The following DPP6 variants were observed in gnomAD, a reference collection of about 807,000 sequenced individuals.
The protein encoded by DPP6 is dipeptidyl peptidase like 6, also known as A-type potassium channel modulatory protein DPP6.
DPP6 carries 69 observed loss-of-function variants against 122.6 expected under a neutral mutation model. The observed-to-expected ratio is 0.56, with a 90% CI of 0.46 to 0.69. DPP6 has a LOEUF of 0.69. DPP6 is among the 30% of genes least tolerant of loss of function. DPP6 has a pLI of 0.00. For synonymous variants in DPP6, 418 were observed against 433.1 expected, an observed-to-expected ratio of 0.97 and a Z score of 0.43; for missense variants, 928 against 1,116.9, an observed-to-expected ratio of 0.83 and a Z score of 2.41.
chr7:154,165,162 C>T (rs1027705472), intron 1 of DPP6, among the ~76,000 whole-genome samples: 9 of 143,834 alleles, frequency 6.3e-5, no homozygotes, highest in African/African-American at 2.4e-4. Flanking sequence ...CCCCCTCCCC[C>T]CAACCCACAA....
chr7:153,804,987 G>A, the DPP6 span, among the ~76,000 whole-genome samples: 1 of 152,132 alleles, frequency 6.6e-6, no homozygotes, highest in Non-Finnish European at 1.5e-5. Context: ...CTCTATTGGT[G>A]TTGAAATGTG....
At chr7:154,882,645 G>A (rs554782151) in intron 21 of DPP6, among the ~76,000 whole-genome samples, 11 of 152,226 alleles carry the variant, frequency 7.2e-5, no homozygotes, top group African/African-American at 1.9e-4. Context: ...GCACCTGTGC[G>A]TTATGTTCTG....
intron 17 of DPP6, chr7:154,858,310 A>C (rs565117474): frequency 6.6e-6 from 1 of 152,416 alleles, no homozygotes; most frequent in African/African-American, 2.4e-5. Flanking sequence ...GGCCACATGC[A>C]TGCAGCGAGG....
intron 17 of DPP6, among the ~76,000 whole-genome samples, chr7:154,854,884 C>T (rs966502863): frequency 3.3e-5 from 5 of 152,182 alleles, no homozygotes; most frequent in Non-Finnish European, 7.4e-5. Flanking sequence ...CCAAAGCAGC[C>T]TGTGTCCTCC....
chr7:153,792,000 A>G, the DPP6 span, among the ~76,000 whole-genome samples: 86 of 152,382 alleles, frequency 5.6e-4, no homozygotes, highest in South Asian at 0.017. Context: ...AGTGCTGTTC[A>G]AGGAGTCTTT....
chr7:153,895,341 C>T (rs1799363468), intron 1 of DPP6, among the ~76,000 whole-genome samples: 2 of 152,156 alleles, frequency 1.3e-5, no homozygotes, highest in Admixed American at 1.3e-4. Flanking sequence ...GCTCCCTGGA[C>T]TGCTGTTTCC....
chr7:154,713,262 T>A (rs1841300404), intron 7 of DPP6, among the ~76,000 whole-genome samples: 1 of 152,218 alleles, frequency 6.6e-6, no homozygotes, highest in South Asian at 2.1e-4. Context: ...GCTGACATTG[T>A]CTGTGGCCTT....
intron 5 of DPP6, among the ~76,000 whole-genome samples, chr7:154,634,318 A>T (rs1358023822): frequency 6.6e-6 from 1 of 151,704 alleles, no homozygotes; most frequent in East Asian, 1.9e-4. Flanking sequence ...ACCTTCATCC[A>T]TGTCCCTACA....
At chr7:154,506,725 C>T (rs778911083) in intron 3 of DPP6, among the ~76,000 whole-genome samples, 7 of 152,148 alleles carry the variant, frequency 4.6e-5, no homozygotes, top group Non-Finnish European at 8.8e-5. Context: ...AACATGATTT[C>T]TCCTTTCTCT....
chr7:154,479,295 C>T (rs987859908), intron 3 of DPP6, among the ~76,000 whole-genome samples: 5 of 152,066 alleles, frequency 3.3e-5, no homozygotes, highest in African/African-American at 9.7e-5. Context: ...TGGTGGCTCA[C>T]GCCTGTAATC....
rs1300907631 is a variant in DPP6, at chr7:153,958,128, C to T, written c.51+70394C>T. Among the ~76,000 whole-genome samples, 21 of 152,088 alleles carry T rather than the reference C, an allele frequency of 1.4e-4. No individual in the cohort carries two copies. The East Asian group carries it at 3.9e-3, about 28-fold the overall frequency. ...GCAGTGAGCTGAGATCACACCACTG[C>T]GCTCCAGCCTGGGCGACGGAGTGAG... On this transcript the variant is annotated intron_variant, in intron 1 of 25. Transcript: ENST00000404039.
intron 5 of DPP6, chr7:154,588,451 A>C (rs1158963089): frequency 1.0e-5 from 2 of 194,116 alleles, no homozygotes; most frequent in African/African-American, 2.3e-5. Flanking sequence ...TGGCTCATAC[A>C]GTGACAAGTA....
At chr7:153,899,831 C>T (rs532439155) in intron 1 of DPP6, among the ~76,000 whole-genome samples, 151 of 152,266 alleles carry the variant, frequency 9.9e-4, no homozygotes, top group African/African-American at 3.3e-3. Flanking sequence ...TGCGTATTAA[C>T]GCTTAGGAAG....
Position 154,241,230 on chromosome 7 carries a change from T to TAG in DPP6, c.243+188181_243+188182dup, listed in dbSNP as rs796744725. Among the ~76,000 whole-genome samples, 1,519 of 149,246 alleles carry TAG rather than the reference T, an allele frequency of 0.01. 10 individuals are homozygous for TAG. The highest frequency in any genetic ancestry group is 0.026 in the African/African-American group (1,045 of 40,362). ...GTGTGTGTGTGTGTGTATATATATATAGAGAGAGAGAGAGACACTTTTATC... is the reference window on the plus strand; with the variant it reads ...GTGTGTGTGTGTGTGTATATATATATAGAGAGAGAGAGAGAGACACTTTTATC... On this transcript the variant is annotated intron_variant, in intron 1 of 25. Transcript: ENST00000377770. The surrounding 1 kb of genome is among the most constrained non-coding windows in gnomAD (Gnocchi z 9.0).
chr7:154,123,706 C>A (rs1213842568), intron 1 of DPP6, among the ~76,000 whole-genome samples: 1 of 151,226 alleles, frequency 6.6e-6, no homozygotes, highest in Admixed American at 6.6e-5. Context: ...ATGTGCCGCT[C>A]GCTCACGGGG....
rs199740333 is a variant in DPP6 at position 154,264,763 on chromosome 7, GATA to G, written c.244-181448_244-181446del. 7.6e-3 allele frequency among the ~76,000 whole-genome samples: 1,161 copies of G among 151,958 alleles called. 20 individuals are homozygous for G. Among genetic ancestry groups the G allele is most frequent in the African/African-American group, 0.025 (1,039 of 41,434 alleles). ...TGTTAATGATGTTAATGATGATAGT[GATA>G]ATGATGATGATCCTGATGATGGTGT... On this transcript the variant is annotated intron_variant, in intron 1 of 25. Transcript: ENST00000377770.
intron 1 of DPP6, among the ~76,000 whole-genome samples, chr7:154,067,778 T>C (rs1161632186): frequency 6.6e-6 from 1 of 152,120 alleles, no homozygotes; most frequent in Admixed American, 6.5e-5. Flanking sequence ...GAGATCTGGC[T>C]CTGCCACCCA....
intron 16 of DPP6, among the ~76,000 whole-genome samples, chr7:154,829,494 G>GGCAA (rs1554480038): frequency 2.3e-5 from 1 of 44,048 alleles, no homozygotes; most frequent in Non-Finnish European, 5.7e-5. Context: ...GACAGAAGGA[G>GGCAA]GGAAGGAAGG....
At chr7:154,212,195 A>C (rs1475703052) in intron 1 of DPP6, among the ~76,000 whole-genome samples, 1 of 152,164 alleles carries the variant, frequency 6.6e-6, no homozygotes, top group Non-Finnish European at 1.5e-5. Flanking sequence ...AACGTTAGTG[A>C]GTCTTATCAT....
Sources: gnomAD v4.1 joint callset for allele counts (sites outside exome capture counted in the v4.1 genomes callset) on GRCh38, gnomAD v4.1.1 for gene constraint, Gnocchi (gnomAD v3.1) non-coding constraint, MANE v1.5 for transcripts, NCBI Gene and HGNC (gene_info 2026-07-23, HGNC 2026-07-21) for gene names.